Variants in AP3M1 observed in about 807,000 individuals in gnomAD.
AP3M1 encodes the protein adaptor related protein complex 3 subunit mu 1.
In AP3M1, 29 loss-of-function variants were observed where a neutral mutation model predicts 42.6. That is an observed-to-expected ratio of 0.68 (90% CI 0.51 to 0.93). AP3M1 has a LOEUF of 0.93. Ranked by LOEUF, AP3M1 falls within the 40% of genes least tolerant of loss-of-function variation. The pLI is 0.00. For synonymous variants in AP3M1, 178 were observed against 175.3 expected, an observed-to-expected ratio of 1.02 and a Z score of -0.12; for missense variants, 416 against 510.2, an observed-to-expected ratio of 0.82 and a Z score of 1.78.
At chr10:74,129,285 T>C (rs1487817792) in intron 5 of AP3M1, 44 bp from the exon 6 acceptor site, 2 of 1,600,314 alleles carry the variant, frequency 1.2e-6, no homozygotes, top group Non-Finnish European at 1.7e-6. Flanking sequence ...CTATAATGAA[T>C]ATGGGAACTG....
chr10:74,149,718 T>C (rs571618098), intron 1 of AP3M1, among the ~76,000 whole-genome samples: 1 of 152,364 alleles, frequency 6.6e-6, no homozygotes, highest in African/African-American at 2.4e-5. Flanking sequence ...ATTCCTTTCC[T>C]TCTCTTCTGG....
chr10:74,134,210 C>T, intron 3 of AP3M1, 46 bp from the exon 4 acceptor site: 1 of 1,548,894 alleles, frequency 6.5e-7, no homozygotes, highest in Non-Finnish European at 8.7e-7. Context: ...ATAAAACAGT[C>T]ATGAGAAAAT....
chr10:74,124,003 C>CATAT, intron 8 of AP3M1, 93 bp from the exon 9 acceptor site: 1 of 1,069,784 alleles, frequency 9.3e-7, no homozygotes, highest in Non-Finnish European at 1.4e-6. Flanking sequence ...TGACATTAAC[C>CATAT]AGTGTCCCTT....
At position 74,126,309 on chromosome 10, in the gene AP3M1, C is replaced by A. The variant is rs1240090364; in HGVS notation, c.850G>T (p.Glu284Ter). 1 of 1,614,140 alleles carries A rather than the reference C, an allele frequency of 6.2e-7. No homozygotes were observed. Among genetic ancestry groups the A allele is most frequent in the Non-Finnish European group, 8.5e-7 (1 of 1,180,020 alleles). Reference protein sequence around the residue: ...VYVKHSISFKENSSCGRFDIT... With the variant: ...VYVKHSISFK ...TCAAATCTGCCGCAAGAACTGTTCT[C>A]CTTAAAGCTGATACTATGTTTCACA... Residue 284 changes from glutamate to a stop codon, truncating the protein, a stop_gained, in exon 7 of 9, where the codon GAG becomes TAG. Transcript: ENST00000355264. LOFTEE classifies it high-confidence loss of function.
chr10:74,133,923 G>A (rs1840862838), intron 4 of AP3M1, 104 bp downstream of exon 4: 2 of 1,433,204 alleles, frequency 1.4e-6, no homozygotes, highest in South Asian at 2.6e-5. Flanking sequence ...AAAGGGCTGG[G>A]ATTACAGGCG....
chr10:74,128,636 T>C (rs1482326796), intron 6 of AP3M1, among the ~76,000 whole-genome samples: 1 of 152,066 alleles, frequency 6.6e-6, no homozygotes, highest in Admixed American at 6.5e-5. Flanking sequence ...GGTAGGTCTG[T>C]CTCCTTGTTG....
intron 7 of AP3M1, among the ~76,000 whole-genome samples, chr10:74,124,903 GC>G: frequency 6.6e-6 from 1 of 152,308 alleles, no homozygotes; most frequent in Non-Finnish European, 1.5e-5. Context: ...CAGAGGTAAG[GC>G]TGGGATTTGA....
Position 74,123,099 on chromosome 10 carries a change from AACAGCTG to A in AP3M1, c.*704_*710del, listed in dbSNP as rs1431363661. 1 of 152,680 alleles carries A rather than the reference AACAGCTG, an allele frequency of 6.5e-6. No individual in the cohort carries two copies. Among genetic ancestry groups the A allele is most frequent in the Non-Finnish European group, 1.5e-5 (1 of 68,046 alleles). The allele number at this position is 152,680 out of a possible 1,614,324, so 9.5% of individuals were successfully genotyped here. A position where few individuals can be genotyped will look rare whatever the true frequency, so the allele number is the denominator to read the frequency against. ...ATACAAATGATTTTTTTACTGTGCT[AACAGCTG>A]AACCAGTGGCACAAAATTGAGATGG... On this transcript the variant is annotated 3_prime_UTR_variant, in exon 9 of 9. Transcript: ENST00000355264.
intron 7 of AP3M1, 56 bp downstream of exon 7, chr10:74,126,092 A>C (rs1025128809): frequency 6.3e-7 from 1 of 1,585,370 alleles, no homozygotes; most frequent in African/African-American, 1.3e-5. Context: ...CCTCCCCACA[A>C]ATCACAAAAT....
rs892903561 is a variant in AP3M1, at chr10:74,120,787, G to C, written c.*3023C>G. 1 of 152,234 alleles carries C rather than the reference G, an allele frequency of 6.6e-6. No individual in the cohort carries two copies. The highest frequency in any genetic ancestry group is 1.5e-5 in the Non-Finnish European group (1 of 68,140). The allele number at this position is 152,234 out of a possible 1,614,324, so 9.4% of individuals were successfully genotyped here. A position where few individuals can be genotyped will look rare whatever the true frequency, so the allele number is the denominator to read the frequency against. The stretch of plus-strand genomic sequence containing the variant: ...CCCACCTTGACCTCCCAAAGTGCTG[G>C]GATTACAGGTGTGATCCACCACGCC... On this transcript the variant is annotated 3_prime_UTR_variant, in exon 9 of 9. Coordinates refer to ENST00000355264, the MANE Select transcript of AP3M1 (RefSeq NM_012095.6).
Position 74,148,304 on chromosome 10 carries a change from C to T in AP3M1, c.-4+2451G>A, listed in dbSNP as rs558524859. Among the ~76,000 whole-genome samples, 447 of 152,160 alleles carry T rather than the reference C, an allele frequency of 2.9e-3. 1 individual carries two copies. Among genetic ancestry groups the T allele is most frequent in the Non-Finnish European group, 5.3e-3 (359 of 67,994 alleles). ...AGAGGATGCTACTGAGAGACTAGGT[C>T]AAAGGGTTTGCCTTCTCTAAGGAGA... On this transcript the variant is annotated intron_variant, in intron 1 of 8. Coordinates refer to ENST00000355264, the MANE Select transcript of AP3M1 (RefSeq NM_012095.6).
intron 8 of AP3M1, among the ~76,000 whole-genome samples, 164 bp from the exon 9 acceptor site, chr10:74,124,074 G>A (rs1295025862): frequency 1.3e-5 from 2 of 152,172 alleles, no homozygotes; most frequent in Admixed American, 1.3e-4. Context: ...TGATGGTATG[G>A]TTTTGGTTAA....
intron 5 of AP3M1, 88 bp from the exon 6 acceptor site, chr10:74,129,329 G>T: frequency 7.2e-7 from 1 of 1,390,374 alleles, no homozygotes; most frequent in Non-Finnish European, 9.8e-7. Context: ...GTTCCCTGAA[G>T]ATAAAGCAGT....
chr10:74,124,432 T>C lies in AP3M1; in HGVS notation c.1104A>G (p.Glu368=), dbSNP rs1190285202. ...VNLQSGAPKP[E]ENPSLNIQFK... ...ACTGTATGTTGAGGCTCGGATTCTC[T>C]TCTGGTTTGGGGGCTCCAGACTGTA... The change falls in exon 8 of 9, where the codon GAA becomes GAG. Residue 368 remains glutamate (E), a synonymous_variant. Transcript: ENST00000355264. The C allele has an allele frequency of 6.2e-7, 1 of 1,613,750 alleles. No individual in the cohort carries two copies. The highest frequency in any genetic ancestry group is 8.5e-7 in the Non-Finnish European group (1 of 1,179,904).
At position 74,144,190 on chromosome 10, in the gene AP3M1, G is replaced by A. The variant is rs542193519; in HGVS notation, c.-3-5808C>T. Among the ~76,000 whole-genome samples the A allele has an allele frequency of 4.6e-5, 7 of 152,124 alleles. No homozygotes were observed. The East Asian group carries it at 9.7e-4, about 21-fold the overall frequency. Reference sequence around the variant, plus strand: ...GTTAGCCAGGATGGTCTCGATCTCCGGACCTCATGATCCACCCGCCTCGGC... The same window carrying A: ...GTTAGCCAGGATGGTCTCGATCTCCAGACCTCATGATCCACCCGCCTCGGC... On this transcript the variant is annotated intron_variant, in intron 1 of 8. Transcript: ENST00000355264.
intron 1 of AP3M1, among the ~76,000 whole-genome samples, chr10:74,145,065 A>C (rs943023009): frequency 6.6e-6 from 1 of 152,190 alleles, no homozygotes; most frequent in Admixed American, 6.6e-5. Context: ...AATTATTTAG[A>C]GTGGAAGTTA....
chr10:74,124,256 G>A, intron 8 of AP3M1, 124 bp downstream of exon 8: 1 of 1,227,952 alleles, frequency 8.1e-7, no homozygotes, highest in Non-Finnish European at 1.1e-6. Context: ...ACCAAGCACA[G>A]TATAAAAGGC....
At chr10:74,125,964 C>T (rs1369890820) in intron 7 of AP3M1, among the ~76,000 whole-genome samples, 184 bp downstream of exon 7, 12 of 152,216 alleles carry the variant, frequency 7.9e-5, no homozygotes, top group Non-Finnish European at 1.2e-4. Flanking sequence ...TGTTCATCTA[C>T]TCAGTAGCAG....
chr10:74,124,241 G>T, intron 8 of AP3M1, 139 bp downstream of exon 8: 2 of 1,034,400 alleles, frequency 1.9e-6, no homozygotes, highest in Non-Finnish European at 2.8e-6. Flanking sequence ...CTGTGAGACT[G>T]CCCCACCAAG....
Sources: gnomAD v4.1 joint callset for allele counts (sites outside exome capture counted in the v4.1 genomes callset) on GRCh38, gnomAD v4.1.1 for gene constraint, MANE v1.5 for transcripts, NCBI Gene and HGNC (gene_info 2026-07-23, HGNC 2026-07-21) for gene names.